Variants in ZAN observed in about 807,000 individuals in gnomAD.
The protein encoded by ZAN is zonadhesin.
A neutral mutation model predicts 286.2 loss-of-function variants in ZAN; 260 were observed. The ratio of observed to expected loss-of-function variants is 0.91; its 90% CI spans 0.82 to 1.01. The LOEUF (loss-of-function observed/expected upper bound fraction) is 1.01, where lower values mean the gene tolerates loss of function less well. Ranked by LOEUF, ZAN falls within the 50% of genes least tolerant of loss-of-function variation. ZAN has a pLI of 0.00. For synonymous variants in ZAN, 1,368 were observed against 1,417.5 expected, an observed-to-expected ratio of 0.97 and a Z score of 0.79; for missense variants, 3,410 against 3,639.2, an observed-to-expected ratio of 0.94 and a Z score of 1.62.
chr7:100,746,641 C>A lies in ZAN; in HGVS notation c.870C>A (p.Phe290Leu), dbSNP rs371012748. ...CCTCTGGCTGTCTGAGCTTTTCCTT[C>A]CACTACATCCTCCGGGGCCAGTCTC... The part of the protein sequence containing the change: ...SLSSGCLSFS[F>L]HYILRGQSPG... Residue 290 changes from phenylalanine (F) to leucine (L), a missense_variant, in exon 8 of 48, where the codon TTC becomes TTA. Around this residue, in one of 7 missense-constraint regions of ZAN, gnomAD observed 872 missense variants for 938.9 expected, o/e 0.93. Coordinates refer to ENST00000613979, the MANE Select transcript of ZAN (RefSeq NM_003386.3). The A allele has an allele frequency of 5.6e-6, 9 of 1,613,878 alleles. No individual in the cohort carries two copies. The African/African-American group carries it at 1.2e-4, about 22-fold the overall frequency.
intron 40 of ZAN, among the ~76,000 whole-genome samples, chr7:100,791,398 C>CCTCCTCCTCCTTCTTCTT (rs1022220317): frequency 2.0e-4 from 31 of 151,898 alleles, no homozygotes; most frequent in African/African-American, 7.5e-4. Flanking sequence ...TCCTTCTCCT[C>CCTCCTCCTCCTTCTTCTT]CTCCTCCTCC....
chr7:100,753,172 A>G lies in ZAN; in HGVS notation c.3067A>G (p.Ser1023Gly), dbSNP rs777570670. 2 of 1,613,672 alleles carry G rather than the reference A, an allele frequency of 1.2e-6. No homozygotes were observed. Among genetic ancestry groups the G allele is most frequent in the Non-Finnish European group, 1.7e-6 (2 of 1,179,758 alleles). Residue 1023 changes from serine to glycine, a missense_variant, in exon 14 of 48, where the codon AGT (serine) becomes GGT (glycine). Coordinates refer to ENST00000613979, the MANE Select transcript of ZAN (RefSeq NM_003386.3). Reference protein sequence around the residue: ...AALVMSPHAPSTPMTSVILGT... With the variant: ...AALVMSPHAPGTPMTSVILGT... ...CTTGGTGATGTCTCCACATGCTCCAAGTACCCCTATGACCAGTGTGATTCT... is the reference window on the plus strand; with the variant it reads ...CTTGGTGATGTCTCCACATGCTCCAGGTACCCCTATGACCAGTGTGATTCT...
At chr7:100,770,965 G>A (rs911886041) in intron 28 of ZAN, among the ~76,000 whole-genome samples, 6 of 152,230 alleles carry the variant, frequency 3.9e-5, no homozygotes, top group East Asian at 1.9e-4. Flanking sequence ...CACCACACCC[G>A]GCTAGTTTTT....
At position 100,763,802 on chromosome 7, in the gene ZAN, G is replaced by A. The variant is rs1317615140; in HGVS notation, c.3987-4G>A. ...TTAGGGAGTTTGGGGTGGGTCTCTT[G>A]CAGGTGTCAGAAGTACCAGGTGGTG... On this transcript the variant is annotated splice_region_variant and splice_polypyrimidine_tract_variant and intron_variant, in intron 20 of 47. Coordinates refer to ENST00000613979, the MANE Select transcript of ZAN (RefSeq NM_003386.3). This position sits in a 1 kb window ranked among gnomAD's most constrained non-coding sequence, Gnocchi z 4.6. 1 of 1,613,814 alleles carries A rather than the reference G, an allele frequency of 6.2e-7. No homozygotes were observed. The highest frequency in any genetic ancestry group is 1.1e-5 in the South Asian group (1 of 91,070).
At chr7:100,764,992 T>G (rs1809854990) in intron 22 of ZAN, among the ~76,000 whole-genome samples, 1 of 152,018 alleles carries the variant, frequency 6.6e-6, no homozygotes, top group African/African-American at 2.4e-5. Flanking sequence ...GTGGCCCAGC[T>G]CTTTGGGGAA....
chr7:100,768,116 A>G (rs1242665569), intron 26 of ZAN, 105 bp downstream of exon 26: 2 of 1,357,658 alleles, frequency 1.5e-6, no homozygotes, highest in African/African-American at 2.9e-5. Context: ...GTACTTGTCA[A>G]CTGACTAATT....
At chr7:100,749,371 T>G (rs1057210033) in intron 11 of ZAN, among the ~76,000 whole-genome samples, 3 of 151,896 alleles carry the variant, frequency 2.0e-5, no homozygotes, top group Non-Finnish European at 2.9e-5. Context: ...CTGGGCGCAG[T>G]GGCTCACACC....
chr7:100,776,923 G>A (rs1357242084), intron 34 of ZAN, among the ~76,000 whole-genome samples: 2 of 145,708 alleles, frequency 1.4e-5, no homozygotes, highest in Admixed American at 7.0e-5. Context: ...TAGTAGAGAC[G>A]GGGTTTCACC....
chr7:100,743,035 T>C (rs1807925139), intron 7 of ZAN, among the ~76,000 whole-genome samples: 3 of 133,410 alleles, frequency 2.2e-5, no homozygotes, highest in African/African-American at 2.7e-5. Context: ...TTCTTTCTTT[T>C]TTTTTTTTTG....
chr7:100,753,669 A>T (rs924188933), intron 14 of ZAN, among the ~76,000 whole-genome samples: 28 of 65,296 alleles, frequency 4.3e-4, no homozygotes, highest in Non-Finnish European at 6.1e-4. Flanking sequence ...CTTTAAAATT[A>T]AAAAAAAAAA....
At chr7:100,762,456 CCTT>C (rs1283146009) in intron 20 of ZAN, 98 bp downstream of exon 20, 1 of 1,367,634 alleles carries the variant, frequency 7.3e-7, no homozygotes, top group African/African-American at 1.6e-5. Context: ...GATGGAGTCT[CCTT>C]CTGTCGCTTA....
In ZAN at chr7:100,775,378, G is replaced by A. The variant is rs770416506; in HGVS notation, c.5830G>A (p.Gly1944Ser). 4.3e-6 allele frequency: 7 copies of A among 1,613,698 alleles called. No homozygotes were observed. The East Asian group carries it at 1.6e-4, about 36-fold the overall frequency. Residue 1944 changes from glycine (G) to serine (S), a missense_variant, in exon 32 of 48, where the codon GGT (glycine) becomes AGT (serine). Around this residue, in one of 7 missense-constraint regions of ZAN, gnomAD observed 1,289 missense variants for 1,314.3 expected, o/e 0.98. Coordinates refer to ENST00000613979, the MANE Select transcript of ZAN (RefSeq NM_003386.3). The part of the protein sequence containing the change: ...PGESHYVSFD[G>S]SNHSIPDACT... ...GGAGTCCCACTACGTGAGCTTTGAT[G>A]GTAGTAACCATTCTATCCCGGACGC...
intron 7 of ZAN, among the ~76,000 whole-genome samples, chr7:100,744,506 G>A (rs1808041777): frequency 6.6e-6 from 1 of 151,168 alleles, no homozygotes; most frequent in African/African-American, 2.4e-5. Flanking sequence ...GCTGAGGCAG[G>A]AGAATTGTTT....
At chr7:100,756,890 T>A (rs1190216715) in intron 15 of ZAN, among the ~76,000 whole-genome samples, 2 of 152,098 alleles carry the variant, frequency 1.3e-5, no homozygotes, top group East Asian at 1.9e-4. Flanking sequence ...TGCCTCAGAC[T>A]CCGGAGTACC....
chr7:100,770,975 T>G (rs1810332913), intron 28 of ZAN, among the ~76,000 whole-genome samples: 1 of 152,194 alleles, frequency 6.6e-6, no homozygotes, highest in Non-Finnish European at 1.5e-5. Flanking sequence ...GGCTAGTTTT[T>G]GTATCTTTAG....
rs754827349 is a variant in ZAN, at chr7:100,765,567, G to A, written c.4470+13G>A. 48 of 1,587,192 alleles carry A rather than the reference G, an allele frequency of 3.0e-5. No individual in the cohort carries two copies. The highest frequency in any genetic ancestry group is 8.1e-5 in the African/African-American group (6 of 74,242). ...CAGCTACTTCAAGGTGAGCGGCTGC[G>A]TGGACCTCTCAGCCCTGCAGCTAGA... On this transcript the variant is annotated intron_variant, in intron 23 of 47. Coordinates refer to ENST00000613979, the MANE Select transcript of ZAN (RefSeq NM_003386.3).
intron 35 of ZAN, among the ~76,000 whole-genome samples, chr7:100,784,162 C>T (rs1309227295): frequency 7.0e-6 from 1 of 142,418 alleles, no homozygotes; most frequent in African/African-American, 2.6e-5. Flanking sequence ...GACAGTCTCA[C>T]TCTGTTGCCC....
chr7:100,773,414 A>C lies in ZAN; in HGVS notation c.5555A>C (p.Lys1852Thr), dbSNP rs1442854984. The C allele has an allele frequency of 6.2e-7, 1 of 1,613,990 alleles. No individual in the cohort carries two copies. Among genetic ancestry groups the C allele is most frequent in the East Asian group, 2.2e-5 (1 of 44,874 alleles). ...LPCAESCECQ[K>T]GHILSGTSCV... ...TGTGCTGAGAGCTGTGAATGTCAGAAAGGCCACATCTTGAGTGGAACCTCC... is the reference window on the plus strand; with the variant it reads ...TGTGCTGAGAGCTGTGAATGTCAGACAGGCCACATCTTGAGTGGAACCTCC... The change falls in exon 30 of 48, where the codon AAA becomes ACA. Residue 1852 changes from lysine to threonine, a missense_variant. Coordinates refer to ENST00000613979, the MANE Select transcript of ZAN (RefSeq NM_003386.3).
In ZAN at chr7:100,751,208, C is replaced by A. The variant is rs201142260; in HGVS notation, c.1548C>A (p.Ser516Arg). The A allele has an allele frequency of 1.2e-6, 2 of 1,609,818 alleles. No individual in the cohort carries two copies. The highest frequency in any genetic ancestry group is 1.7e-6 in the Non-Finnish European group (2 of 1,178,274). ...MQLIFKGIQG[S>R]NTASVVAMGF... Reference sequence around the variant, plus strand: ...TTATTTTCAAGGGCATCCAGGGAAGCAACACGGCCTCTGTGGTTGCTATGG... The same window carrying A: ...TTATTTTCAAGGGCATCCAGGGAAGAAACACGGCCTCTGTGGTTGCTATGG... Residue 516 changes from serine (S) to arginine (R), a missense_variant, in exon 13 of 48, where the codon AGC becomes AGA. Physicochemically the swap from Ser to Arg is moderately radical, Grantham distance 110. Around this residue, in one of 7 missense-constraint regions of ZAN, gnomAD observed 872 missense variants for 938.9 expected, o/e 0.93. Coordinates refer to ENST00000613979, the MANE Select transcript of ZAN (RefSeq NM_003386.3).
Sources: gnomAD v4.1 joint callset for allele counts (sites outside exome capture counted in the v4.1 genomes callset) on GRCh38, gnomAD v4.1.1 for gene constraint, gnomAD v4.1.1 regional missense constraint, Gnocchi (gnomAD v3.1) non-coding constraint, MANE v1.5 for transcripts, NCBI Gene and HGNC (gene_info 2026-07-23, HGNC 2026-07-21) for gene names.